ADGRL3: variants seen among roughly 807,000 people sequenced by gnomAD.
The protein encoded by ADGRL3 is adhesion G protein-coupled receptor L3, also known as calcium-independent alpha-latrotoxin receptor 3.
ADGRL3 carries 62 observed loss-of-function variants against 153.5 expected under a neutral mutation model. The observed-to-expected ratio is 0.40, with a 90% CI of 0.33 to 0.50. The LOEUF (loss-of-function observed/expected upper bound fraction) is 0.50. ADGRL3 is among the 20% of genes least tolerant of loss of function. The pLI is 0.47. For synonymous variants in ADGRL3, 710 were observed against 672.5 expected (o/e 1.06, Z -0.86); for missense variants, 1,641 against 1,859.4 (o/e 0.88, Z 2.16).
intron 6 of ADGRL3, among the ~76,000 whole-genome samples, chr4:61,725,608 C>CAAAAAAAAAAAAAAAA (rs66483666): frequency 7.1e-6 from 1 of 141,630 alleles, no homozygotes; most frequent in Non-Finnish European, 1.5e-5. Context: ...AAAAAAAAAC[C>CAAAAAAAAAAAAAAAA]AAAAAAAAAC....
At chr4:61,309,528 A>G (rs927751518) in intron 1 of ADGRL3, among the ~76,000 whole-genome samples, 1 of 152,100 alleles carries the variant, frequency 6.6e-6, no homozygotes, top group Non-Finnish European at 1.5e-5. Context: ...TTTCTTATGT[A>G]TACAACTTTC....
At chr4:61,450,567 G>C (rs1309991007) in intron 2 of ADGRL3, among the ~76,000 whole-genome samples, 2 of 152,054 alleles carry the variant, frequency 1.3e-5, no homozygotes, top group Non-Finnish European at 2.9e-5. Flanking sequence ...AGACTATCAG[G>C]TTAGTAATTC....
intron 11 of ADGRL3, among the ~76,000 whole-genome samples, chr4:61,904,301 G>A (rs2098683955): frequency 1.3e-5 from 2 of 150,604 alleles, no homozygotes; most frequent in South Asian, 2.1e-4. Flanking sequence ...ACACATATAT[G>A]GGCAGATGAA....
intron 13 of ADGRL3, among the ~76,000 whole-genome samples, chr4:61,920,740 CTT>C (rs1483387514): frequency 1.3e-5 from 2 of 152,174 alleles, no homozygotes; most frequent in Non-Finnish European, 2.9e-5. Flanking sequence ...TCATGCTAAT[CTT>C]CTAAAAGGAA....
chr4:61,813,537 A>C (rs533643829), intron 8 of ADGRL3, among the ~76,000 whole-genome samples: 3 of 151,860 alleles, frequency 2.0e-5, no homozygotes, highest in African/African-American at 7.3e-5. Flanking sequence ...ACTCATTTTT[A>C]TTGTGTTTTT....
intron 9 of ADGRL3, among the ~76,000 whole-genome samples, chr4:61,891,397 A>G (rs1459810065): frequency 6.6e-6 from 1 of 152,174 alleles, no homozygotes; most frequent in Non-Finnish European, 1.5e-5. Flanking sequence ...AAGAGAAGGA[A>G]AGTTGAGAAG....
At chr4:61,993,363 G>A (rs1261754690) in intron 19 of ADGRL3, among the ~76,000 whole-genome samples, 1 of 142,352 alleles carries the variant, frequency 7.0e-6, no homozygotes, top group East Asian at 2.1e-4. Context: ...CATGATCTTG[G>A]CTCACTGCAA....
intron 1 of ADGRL3, among the ~76,000 whole-genome samples, chr4:61,303,035 AAT>A (rs2094633504): frequency 6.6e-6 from 1 of 152,204 alleles, no homozygotes; most frequent in Admixed American, 6.5e-5. Context: ...TATTAAATAT[AAT>A]ATAGACATCA....
At chr4:61,319,663 C>T (rs908320347) in intron 1 of ADGRL3, among the ~76,000 whole-genome samples, 7 of 152,038 alleles carry the variant, frequency 4.6e-5, no homozygotes, top group South Asian at 2.1e-4. Flanking sequence ...TTTGATTGTA[C>T]GTCAAATGAG....
At chr4:61,483,463 C>A (rs545088886) in intron 2 of ADGRL3, among the ~76,000 whole-genome samples, 5 of 152,088 alleles carry the variant, frequency 3.3e-5, no homozygotes, top group Non-Finnish European at 5.9e-5. Flanking sequence ...AAAGGCCTGG[C>A]GCAGTGGCTC....
At chr4:61,238,943 T>A (rs1295445524) in intron 1 of ADGRL3, among the ~76,000 whole-genome samples, 2 of 152,128 alleles carry the variant, frequency 1.3e-5, no homozygotes, top group East Asian at 3.8e-4. Flanking sequence ...CTTTTTAAAA[T>A]AAATAAGTTC....
Position 61,709,185 on chromosome 4 carries a change from C to A in ADGRL3, c.584-21437C>A, listed in dbSNP as rs79468726. On this transcript the variant is annotated intron_variant, in intron 6 of 26. Transcript: ENST00000683033. The stretch of plus-strand genomic sequence containing the variant: ...ATATTGATCTTATTATTACACTCTT[C>A]TGACCATTTCTACCACGTTGTATCA... Among the ~76,000 whole-genome samples, 1,375 of 152,276 alleles carry A rather than the reference C, an allele frequency of 9.0e-3. 30 individuals carry two copies. The highest frequency in any genetic ancestry group is 0.031 in the African/African-American group (1,304 of 41,554).
intron 5 of ADGRL3, among the ~76,000 whole-genome samples, chr4:61,587,795 A>G (rs1172463814): frequency 6.6e-6 from 1 of 152,092 alleles, no homozygotes; most frequent in Non-Finnish European, 1.5e-5. Flanking sequence ...AAATTATTTT[A>G]CTGCTAACAA....
At chr4:61,349,300 T>G (rs2095992596) in intron 1 of ADGRL3, among the ~76,000 whole-genome samples, 1 of 152,104 alleles carries the variant, frequency 6.6e-6, no homozygotes, top group South Asian at 2.1e-4. Flanking sequence ...ATTTTCAACA[T>G]TTAAAAAGTG....
intron 13 of ADGRL3, among the ~76,000 whole-genome samples, chr4:61,922,291 TA>T (rs926965112): frequency 2.6e-5 from 4 of 152,222 alleles, no homozygotes; most frequent in Non-Finnish European, 5.9e-5. Flanking sequence ...AAACTGTTTA[TA>T]AATATGTCTT....
At chr4:61,244,261 A>G (rs1196772717) in intron 1 of ADGRL3, among the ~76,000 whole-genome samples, 1 of 152,028 alleles carries the variant, frequency 6.6e-6, no homozygotes, top group East Asian at 1.9e-4. Flanking sequence ...TTGTATTTCA[A>G]GTCATCTACT....
intron 8 of ADGRL3, among the ~76,000 whole-genome samples, chr4:61,750,235 G>A (rs1469636328): frequency 6.8e-6 from 1 of 146,062 alleles, no homozygotes; most frequent in East Asian, 2.1e-4. Context: ...TTTTTTAGGT[G>A]TTTGCTGGCC....
intron 21 of ADGRL3, among the ~76,000 whole-genome samples, chr4:62,021,265 A>G (rs1171855409): frequency 6.6e-6 from 1 of 152,126 alleles, no homozygotes; most frequent in Non-Finnish European, 1.5e-5. Flanking sequence ...CTTTTACTTG[A>G]TACACACAAT....
At chr4:61,245,025 A>C (rs555759661) in intron 1 of ADGRL3, among the ~76,000 whole-genome samples, 1 of 152,172 alleles carries the variant, frequency 6.6e-6, no homozygotes, top group South Asian at 2.1e-4. Context: ...ACTGGCATGA[A>C]GAACGGGGCT....
Sources: allele counts gnomAD v4.1 joint callset (sites outside exome capture counted in the v4.1 genomes callset), GRCh38; gene constraint gnomAD v4.1.1; transcripts MANE v1.5; gene names NCBI Gene and HGNC (gene_info 2026-07-23, HGNC 2026-07-21).